TESC: variants seen among roughly 807,000 people sequenced by gnomAD.
TESC encodes the protein tescalcin, also known as calcineurin B homologous protein 3.
In TESC, 19 loss-of-function variants were observed where a neutral mutation model predicts 31.0. That is an observed-to-expected ratio of 0.61 (90% CI 0.43 to 0.90). TESC has a LOEUF of 0.90. TESC is among the 40% of genes least tolerant of loss of function. TESC has a pLI of 0.00. For synonymous variants in TESC, 109 were observed against 114.8 expected, an observed-to-expected ratio of 0.95 and a Z score of 0.32; for missense variants, 248 against 303.8, an observed-to-expected ratio of 0.82 and a Z score of 1.36.
intron 3 of TESC, among the ~76,000 whole-genome samples, chr12:117,052,186 T>C (rs1173374217): frequency 6.6e-6 from 1 of 152,176 alleles, no homozygotes; most frequent in Non-Finnish European, 1.5e-5. Context: ...TCACTCTTTT[T>C]GCAAAGATGC....
chr12:117,075,913 A>ATATATATGTGTG (rs1265957613), intron 1 of TESC, among the ~76,000 whole-genome samples: 11 of 51,952 alleles, frequency 2.1e-4, no homozygotes, highest in Admixed American at 4.9e-4. Context: ...ATATATATAT[A>ATATATATGTGTG]TGTGTGTGTG....
At position 117,038,947 on chromosome 12, in the gene TESC, T is replaced by A; in HGVS notation, c.*186A>T. On this transcript the variant is annotated 3_prime_UTR_variant, in exon 8 of 8. Transcript: ENST00000335209. ...ATTAATTAACAAACCTTTTTTTTTT[T>A]TTTATTGGAGATAAAAACAGCGAAG... 3.5e-6 allele frequency: 2 copies of A among 564,186 alleles called. No individual in the cohort carries two copies. The highest frequency in any genetic ancestry group is 6.2e-6 in the Non-Finnish European group (2 of 324,516). 34.9% of individuals were successfully genotyped at this position (564,186 alleles called of 1,614,324 possible).
chr12:117,047,652 A>C (rs1334066005), intron 4 of TESC, among the ~76,000 whole-genome samples: 2 of 152,032 alleles, frequency 1.3e-5, no homozygotes, highest in Non-Finnish European at 2.9e-5. Flanking sequence ...TCAAACTCCC[A>C]ACCTCAAATG....
chr12:117,082,111 A>AG (rs1955157175), intron 1 of TESC, among the ~76,000 whole-genome samples: 1 of 151,500 alleles, frequency 6.6e-6, no homozygotes, highest in Admixed American at 6.6e-5. Context: ...AGTGAGGCTG[A>AG]GGTGGGAGGA....
At chr12:117,086,736 C>A (rs1271834877) in intron 1 of TESC, among the ~76,000 whole-genome samples, 1 of 152,214 alleles carries the variant, frequency 6.6e-6, no homozygotes, top group Admixed American at 6.5e-5. Flanking sequence ...CAGCGCCCAA[C>A]CTAAAATGGT....
At chr12:117,048,302 C>G (rs1954597767) in intron 4 of TESC, among the ~76,000 whole-genome samples, 1 of 152,238 alleles carries the variant, frequency 6.6e-6, no homozygotes, top group African/African-American at 2.4e-5. Context: ...GGGATCCACC[C>G]CCGCCACCCG....
intron 7 of TESC, among the ~76,000 whole-genome samples, chr12:117,039,926 C>G (rs1359087725): frequency 6.6e-6 from 1 of 152,268 alleles, no homozygotes; most frequent in Non-Finnish European, 1.5e-5. Context: ...GCTATGCCCG[C>G]CAGCGCCTTA....
At chr12:117,075,894 T>TAC (rs1955057445) in intron 1 of TESC, among the ~76,000 whole-genome samples, 1 of 66,226 alleles carries the variant, frequency 1.5e-5, no homozygotes, top group Non-Finnish European at 2.9e-5. Context: ...TATATATATA[T>TAC]ATATATATAT....
chr12:117,048,256 G>C (rs963616497), intron 4 of TESC, among the ~76,000 whole-genome samples: 3 of 152,182 alleles, frequency 2.0e-5, no homozygotes, highest in Non-Finnish European at 4.4e-5. Flanking sequence ...CCTGTTCCAC[G>C]CCCCTTGGAG....
At chr12:117,091,739 G>A (rs1259712811) in intron 1 of TESC, among the ~76,000 whole-genome samples, 1 of 152,090 alleles carries the variant, frequency 6.6e-6, no homozygotes, top group East Asian at 1.9e-4. Context: ...TTCTCCCTGG[G>A]GGCAACCCAC....
chr12:117,070,281 C>T (rs1432221325), intron 2 of TESC, among the ~76,000 whole-genome samples: 12 of 152,170 alleles, frequency 7.9e-5, no homozygotes, highest in Non-Finnish European at 2.9e-5. Flanking sequence ...GCCAGGGGAA[C>T]CTTGAAAAGC....
At chr12:117,092,490 G>A (rs1169989631) in intron 1 of TESC, among the ~76,000 whole-genome samples, 1 of 152,238 alleles carries the variant, frequency 6.6e-6, no homozygotes. Flanking sequence ...AGGAGGGCAG[G>A]GGAGGCCTGG....
In TESC at chr12:117,086,267, A is replaced by T; in HGVS notation, c.59-10927T>A. On this transcript the variant is annotated intron_variant, in intron 1 of 7. Coordinates refer to ENST00000335209, the MANE Select transcript of TESC (RefSeq NM_017899.4). The stretch of plus-strand genomic sequence containing the variant: ...TTAATGCCAATGAATTATACACTTT[A>T]ATTTTTTTTTTTTTAATAGGGATGG... 2.7e-5 allele frequency among the ~76,000 whole-genome samples: 4 copies of T among 145,652 alleles called. No homozygotes were observed. In the South Asian group the frequency reaches 8.8e-4, roughly 32 times the overall value.
chr12:117,041,553 G>A (rs1388902130), intron 7 of TESC, among the ~76,000 whole-genome samples: 7 of 151,948 alleles, frequency 4.6e-5, no homozygotes, highest in African/African-American at 7.2e-5. Flanking sequence ...AGCTGGTCTC[G>A]AACTCCTGAC....
At chr12:117,095,300 C>T (rs1245930682) in intron 1 of TESC, among the ~76,000 whole-genome samples, 11 of 152,118 alleles carry the variant, frequency 7.2e-5, no homozygotes, top group Admixed American at 6.5e-4. Flanking sequence ...GTCTTGAACT[C>T]CTGACCTCAT....
At chr12:117,053,549 C>T (rs1189117174) in intron 3 of TESC, among the ~76,000 whole-genome samples, 3 of 152,126 alleles carry the variant, frequency 2.0e-5, no homozygotes, top group Admixed American at 6.5e-5. Flanking sequence ...TAAGAGCATA[C>T]ACTAAAATGC....
At chr12:117,041,094 G>A (rs1265238652) in intron 7 of TESC, among the ~76,000 whole-genome samples, 1 of 152,168 alleles carries the variant, frequency 6.6e-6, no homozygotes, top group Non-Finnish European at 1.5e-5. Flanking sequence ...TTATCAAAAC[G>A]GCCAGGAGCA....
chr12:117,069,948 G>A (rs1372127868), intron 2 of TESC, among the ~76,000 whole-genome samples: 3 of 152,142 alleles, frequency 2.0e-5, no homozygotes, highest in African/African-American at 4.8e-5. Context: ...TGGGTCCTTC[G>A]CTGTCTGAGC....
intron 2 of TESC, among the ~76,000 whole-genome samples, chr12:117,067,835 C>T (rs542184680): frequency 1.2e-4 from 18 of 152,302 alleles, no homozygotes; most frequent in African/African-American, 4.1e-4. Flanking sequence ...TTGAGCCCAG[C>T]GTCTGGCACA....
Sources: allele counts gnomAD v4.1 joint callset (sites outside exome capture counted in the v4.1 genomes callset), GRCh38; gene constraint gnomAD v4.1.1; transcripts MANE v1.5; gene names NCBI Gene and HGNC (gene_info 2026-07-23, HGNC 2026-07-21).